Variants in AKAP9 observed in about 807,000 individuals in gnomAD.
AKAP9 encodes the protein A-kinase anchoring protein 9.
A neutral mutation model predicts 488.5 loss-of-function variants in AKAP9; 311 were observed. The ratio of observed to expected loss-of-function variants is 0.64; its 90% confidence interval spans 0.58 to 0.70. AKAP9 has a LOEUF of 0.70. AKAP9 is among the 30% of genes least tolerant of loss of function. The probability of loss-of-function intolerance (pLI) is 0.00; values close to 1 mark genes in which losing one functional copy is unlikely to be tolerated. For synonymous variants in AKAP9, 1,462 were observed against 1,483.5 expected (o/e 0.99, Z 0.33); for missense variants, 4,215 against 4,374.5 (o/e 0.96, Z 1.03).
chr7:92,046,824 G>A (rs529470619), intron 21 of AKAP9, among the ~76,000 whole-genome samples: 2 of 152,264 alleles, frequency 1.3e-5, no homozygotes, highest in South Asian at 4.2e-4. Flanking sequence ...ATTTAGGGAG[G>A]GATTTTGCTG....
intron 3 of AKAP9, 41 bp downstream of exon 3, chr7:91,980,374 T>C: frequency 1.4e-5 from 13 of 942,610 alleles, no homozygotes; most frequent in Non-Finnish European, 1.9e-5. Context: ...CATAAATGTA[T>C]ATTTATATTA....
Position 92,022,341 on chromosome 7 carries a change from T to C in AKAP9, c.3941T>C (p.Leu1314Ser). 2 of 1,598,426 alleles carry C rather than the reference T, an allele frequency of 1.3e-6. No individual in the cohort carries two copies. The highest frequency in any genetic ancestry group is 8.6e-7 in the Non-Finnish European group (1 of 1,165,970). ...FLSIHSQMTN[L>S]EDIDVNHKSK... ...TCAATCCATTCTCAGATGACCAATT[T>C]GGAAGACATTGGTAAATTTTGATCA... The change falls in exon 13 of 50, where the codon TTG (leucine) becomes TCG (serine). Residue 1314 changes from leucine to serine, a missense_variant. By Grantham distance (145) the Leu-to-Ser change is moderately radical (BLOSUM62 -2). Around this residue, in one of 5 missense-constraint regions of AKAP9, gnomAD observed 2,361 missense variants for 2,430.0 expected, o/e 0.97. Coordinates refer to ENST00000356239, the MANE Select transcript of AKAP9 (RefSeq NM_005751.5).
At chr7:92,052,120 C>T (rs1808080827) in intron 21 of AKAP9, among the ~76,000 whole-genome samples, 1 of 152,104 alleles carries the variant, frequency 6.6e-6, no homozygotes, top group African/African-American at 2.4e-5. Context: ...ATCTCAGTTC[C>T]TTTTACTGTG....
At position 92,042,683 on chromosome 7, in the gene AKAP9, C is replaced by A; in HGVS notation, c.5074C>A (p.Gln1692Lys). 2 of 1,609,780 alleles carry A rather than the reference C, an allele frequency of 1.2e-6. No homozygotes were observed. The highest frequency in any genetic ancestry group is 2.2e-5 in the South Asian group (2 of 90,948). The change falls in exon 20 of 50, where the codon CAA (glutamine) becomes AAA (lysine). Residue 1692 changes from glutamine (Q) to lysine (K), a missense_variant. Physicochemically the swap from Gln to Lys is moderately conservative, Grantham distance 53. Around this residue, in one of 5 missense-constraint regions of AKAP9, gnomAD observed 2,361 missense variants for 2,430.0 expected, o/e 0.97. Coordinates refer to ENST00000356239, the MANE Select transcript of AKAP9 (RefSeq NM_005751.5). ...STQTQNGNEN[Q>K]GEVEEQTFKE... ...ACTTAAACAGAATGGAAATGAAAAC[C>A]AAGGAGAAGTTGAAGAACAAACATT...
chr7:91,949,591 A>G (rs951786467), intron 1 of AKAP9, among the ~76,000 whole-genome samples: 2 of 152,200 alleles, frequency 1.3e-5, no homozygotes, highest in Non-Finnish European at 2.9e-5. Context: ...CTTTGTTGTC[A>G]TATTGACACC....
At chr7:92,044,031 C>A (rs779366042) in intron 20 of AKAP9, among the ~76,000 whole-genome samples, 18 of 152,284 alleles carry the variant, frequency 1.2e-4, no homozygotes, top group Non-Finnish European at 2.1e-4. Flanking sequence ...ATGGAAGTAG[C>A]TTTCTTTGCA....
intron 14 of AKAP9, 58 bp from the exon 15 acceptor site, chr7:92,029,837 A>G: frequency 3.6e-6 from 5 of 1,404,736 alleles, no homozygotes; most frequent in Admixed American, 3.4e-5. Context: ...TAGATTTTGC[A>G]TGAACACTAA....
intron 1 of AKAP9, among the ~76,000 whole-genome samples, chr7:91,968,553 T>A (rs1398665375): frequency 6.6e-6 from 1 of 152,202 alleles, no homozygotes; most frequent in Non-Finnish European, 1.5e-5. Context: ...ACTTTTTGTT[T>A]CATTGACTTC....
In AKAP9 at chr7:92,064,065, A is replaced by G. The variant is rs548504198; in HGVS notation, c.5978-1166A>G. ...CCAAAGTGCTGGGATTACAGGCATAAGCCACCATACCCAGCCATTTTGAGT... is the reference window on the plus strand; with the variant it reads ...CCAAAGTGCTGGGATTACAGGCATAGGCCACCATACCCAGCCATTTTGAGT... On this transcript the variant is annotated intron_variant, in intron 24 of 49. Coordinates refer to ENST00000356239, the MANE Select transcript of AKAP9 (RefSeq NM_005751.5). 4.6e-5 allele frequency among the ~76,000 whole-genome samples: 7 copies of G among 152,316 alleles called. No homozygotes were observed. In the South Asian group the frequency reaches 1.5e-3, roughly 32 times the overall value.
At position 92,034,500 on chromosome 7, in the gene AKAP9, T is replaced by TATA. The variant is rs374127163; in HGVS notation, c.4338+2896_4338+2897insATA. On this transcript the variant is annotated intron_variant, in intron 16 of 49. Coordinates refer to ENST00000356239, the MANE Select transcript of AKAP9 (RefSeq NM_005751.5). ...TATATCTATATATATATATATATAT[T>TATA]TTTTTTTTTTTTTTTTTTTGAGATG... Among the ~76,000 whole-genome samples the TATA allele has an allele frequency of 7.7e-3, 684 of 89,336 alleles. 1 individual carries two copies. Among genetic ancestry groups the TATA allele is most frequent in the South Asian group, 0.021 (55 of 2,672 alleles). 58.6% of individuals were successfully genotyped at this position (89,336 alleles called of 152,430 possible).
At chr7:91,958,768 T>C (rs111265816) in intron 1 of AKAP9, among the ~76,000 whole-genome samples, 7 of 152,342 alleles carry the variant, frequency 4.6e-5, no homozygotes, top group African/African-American at 1.7e-4. Context: ...CTTCTATGCA[T>C]AAGTAAAACG....
rs1363571533 is a variant in AKAP9, at chr7:92,013,887, AAAC to A, written c.3533-359_3533-357del. ...TAATGATCAACATTTTTAAAAAAAA[AAAC>A]AAAGTAGAACAGAAGACATTGGAGT... is the stretch of plus-strand genomic sequence containing the variant. On this transcript the variant is annotated intron_variant, in intron 9 of 49. Transcript: ENST00000356239. 2.4e-3 allele frequency among the ~76,000 whole-genome samples: 362 copies of A among 151,652 alleles called. 3 individuals are homozygous for A. Among genetic ancestry groups the A allele is most frequent in the African/African-American group, 8.4e-3 (345 of 41,072 alleles).
At chr7:91,950,082 A>T (rs1285958766) in intron 1 of AKAP9, among the ~76,000 whole-genome samples, 1 of 152,176 alleles carries the variant, frequency 6.6e-6, no homozygotes, top group Non-Finnish European at 1.5e-5. Context: ...TCTCTGATTT[A>T]CAGATCTCTG....
chr7:92,068,081 CT>C (rs1204493955), intron 26 of AKAP9, among the ~76,000 whole-genome samples: 1 of 151,970 alleles, frequency 6.6e-6, no homozygotes, highest in African/African-American at 2.4e-5. Flanking sequence ...GTCTCCAGGG[CT>C]GGGCGTGATG....
In AKAP9 at chr7:92,029,239, T is replaced by A. The variant is rs539902669; in HGVS notation, c.4149-656T>A. ...AAAAACTACACAATACAGATGTGAA[T>A]ACCAAAAGATAAAACAAAAAAGTCC... On this transcript the variant is annotated intron_variant, in intron 14 of 49. Transcript: ENST00000356239. Among the ~76,000 whole-genome samples the A allele has an allele frequency of 9.9e-5, 15 of 151,680 alleles. No homozygotes were observed. In the East Asian group the frequency reaches 2.5e-3, roughly 25 times the overall value.
At position 92,066,553 on chromosome 7, in the gene AKAP9, A is replaced by C. The variant is rs1235885918; in HGVS notation, c.6330+7A>C. ...TGAACATCAAACTAGAGAGGTAAGA[A>C]CTTCACTGATATTGCCCAACTTACA... On this transcript the variant is annotated splice_region_variant and intron_variant, in intron 26 of 49. Transcript: ENST00000356239. 1.9e-6 allele frequency: 3 copies of C among 1,613,164 alleles called. No homozygotes were observed. Among genetic ancestry groups the C allele is most frequent in the South Asian group, 2.2e-5 (2 of 91,076 alleles).
intron 20 of AKAP9, among the ~76,000 whole-genome samples, chr7:92,044,381 A>G (rs1013303565): frequency 3.9e-5 from 6 of 152,166 alleles, no homozygotes; most frequent in Admixed American, 6.5e-5. Context: ...AAAACGGCCT[A>G]TGATACTCTC....
chr7:91,942,818 G>A lies in AKAP9; in HGVS notation c.48+1671G>A, dbSNP rs1022865167. 7.9e-5 allele frequency among the ~76,000 whole-genome samples: 12 copies of A among 152,128 alleles called. 1 individual carries two copies. The highest frequency in any genetic ancestry group is 1.5e-5 in the Non-Finnish European group (1 of 68,028). On this transcript the variant is annotated intron_variant, in intron 1 of 49. Coordinates refer to ENST00000356239, the MANE Select transcript of AKAP9 (RefSeq NM_005751.5). ...TATGGGGTAAAAACCTGTTTAAGGT[G>A]AATTTTTGTTGTAAAAGATTATCTT...
intron 21 of AKAP9, among the ~76,000 whole-genome samples, chr7:92,050,469 G>A (rs1807790120): frequency 6.6e-6 from 1 of 152,030 alleles, no homozygotes; most frequent in African/African-American, 2.4e-5. Flanking sequence ...AATCAAGGCT[G>A]GTAAACACAG....
Sources: allele counts gnomAD v4.1 joint callset (sites outside exome capture counted in the v4.1 genomes callset), GRCh38; gene constraint gnomAD v4.1.1; regional missense constraint gnomAD v4.1.1; transcripts MANE v1.5; gene names NCBI Gene and HGNC (gene_info 2026-07-23, HGNC 2026-07-21).